Variants in PDE7B observed in about 807,000 individuals in gnomAD.
PDE7B encodes phosphodiesterase 7B, also known as 3',5'-cyclic-AMP phosphodiesterase 7B.
Under a neutral mutation model 56.2 loss-of-function variants are expected in PDE7B, and 29 were observed. The ratio of observed to expected loss-of-function variants is 0.52; its 90% CI spans 0.38 to 0.70. PDE7B has a LOEUF of 0.70. Ranked by LOEUF, PDE7B falls within the 30% of genes least tolerant of loss-of-function variation. The pLI, the probability that PDE7B is intolerant of heterozygous loss-of-function variation, is 0.00. For missense variants in PDE7B, 490 were observed against 565.0 expected (o/e 0.87, Z 1.35); for synonymous variants, 197 against 196.9 (o/e 1.00, Z 0.00).
Position 136,119,139 on chromosome 6 carries a change from G to A in PDE7B, c.166+10325G>A, listed in dbSNP as rs187993658. 7.9e-5 allele frequency among the ~76,000 whole-genome samples: 12 copies of A among 152,282 alleles called. No individual in the cohort carries two copies. In the East Asian group the frequency reaches 2.3e-3, roughly 29 times the overall value. ...CCAGTTGCTTTAATTTTTCTCAAGGGGGAGTTGGTTATTTCCTGTCGTGCA... is the reference window on the plus strand; with the variant it reads ...CCAGTTGCTTTAATTTTTCTCAAGGAGGAGTTGGTTATTTCCTGTCGTGCA... On this transcript the variant is annotated intron_variant, in intron 3 of 12. Transcript: ENST00000308191.
chr6:135,858,907 T>C (rs956552667), intron 1 of PDE7B, among the ~76,000 whole-genome samples: 3 of 152,196 alleles, frequency 2.0e-5, no homozygotes, highest in African/African-American at 7.2e-5. Context: ...TCACATATCA[T>C]AGACTTTTAA....
chr6:136,071,846 A>G (rs1562485929), intron 2 of PDE7B, among the ~76,000 whole-genome samples: 2 of 152,240 alleles, frequency 1.3e-5, no homozygotes, highest in Admixed American at 6.5e-5. Flanking sequence ...AAATGACATG[A>G]TCATATAACA....
At chr6:135,856,286 G>A (rs1220960142) in intron 1 of PDE7B, among the ~76,000 whole-genome samples, 3 of 152,176 alleles carry the variant, frequency 2.0e-5, no homozygotes, top group Admixed American at 6.5e-5. Context: ...CTCTGTGGCT[G>A]TGACACTCCT....
chr6:135,949,214 G>A (rs926844692), intron 2 of PDE7B, among the ~76,000 whole-genome samples: 1 of 152,044 alleles, frequency 6.6e-6, no homozygotes, highest in Admixed American at 6.6e-5. Flanking sequence ...TTTAACTCAT[G>A]ATAATTTTAA....
chr6:136,038,041 T>G, intron 2 of PDE7B: 1 of 1,329,964 alleles, frequency 7.5e-7, no homozygotes, highest in Admixed American at 2.0e-5. Context: ...CCTAGGGAAG[T>G]GAATCGCTCT....
rs1031320994 is a variant in PDE7B at position 136,056,519 on chromosome 6, T to C, written c.83-52212T>C. Among the ~76,000 whole-genome samples, 4 of 104,560 alleles carry C rather than the reference T, an allele frequency of 3.8e-5. No individual in the cohort carries two copies. In the East Asian group the frequency reaches 1.1e-3, roughly 30 times the overall value. The allele number at this position is 104,560 out of a possible 152,430, so 68.6% of individuals were successfully genotyped here. ...TCCTTTGCAGATAGAATCCTTTTTTTTTTTTTTTTTTTTTTTTTTTTTTTT... is the reference window on the plus strand; with the variant it reads ...TCCTTTGCAGATAGAATCCTTTTTTCTTTTTTTTTTTTTTTTTTTTTTTTT... On this transcript the variant is annotated intron_variant, in intron 2 of 12. Coordinates refer to ENST00000308191, the MANE Select transcript of PDE7B (RefSeq NM_018945.4).
chr6:135,874,997 C>T (rs1013846008), intron 1 of PDE7B, among the ~76,000 whole-genome samples: 3 of 151,876 alleles, frequency 2.0e-5, no homozygotes, highest in African/African-American at 7.3e-5. Context: ...AAGTCTATTC[C>T]ATTTATTAAA....
At chr6:135,948,896 TAGAC>T (rs869032694) in intron 2 of PDE7B, among the ~76,000 whole-genome samples, 40 of 63,264 alleles carry the variant, frequency 6.3e-4, no homozygotes, top group African/African-American at 9.8e-4. Flanking sequence ...GATAGATAGA[TAGAC>T]AGACAGACAG....
At chr6:136,124,758 A>G (rs1283442716) in intron 3 of PDE7B, among the ~76,000 whole-genome samples, 1 of 152,236 alleles carries the variant, frequency 6.6e-6, no homozygotes, top group East Asian at 1.9e-4. Context: ...TAAATATTGA[A>G]GGCATTTATT....
chr6:136,110,927 C>T (rs751651215), intron 3 of PDE7B: 4 of 152,244 alleles, frequency 2.6e-5, no homozygotes, highest in Non-Finnish European at 5.9e-5. Flanking sequence ...GGCTCAACCC[C>T]AGCCTCATTT....
intron 4 of PDE7B, among the ~76,000 whole-genome samples, chr6:136,148,475 A>AGGCAGGCAGGCAGGCAGGCAGGCC: frequency 6.8e-6 from 1 of 147,146 alleles, no homozygotes; most frequent in Non-Finnish European, 1.5e-5. Context: ...GAAGGAAGGC[A>AGGCAGGCAGGCAGGCAGGCAGGCC]GGCAGGCAGG....
At chr6:136,145,018 A>AC (rs1232979220) in intron 3 of PDE7B, among the ~76,000 whole-genome samples, 2 of 151,902 alleles carry the variant, frequency 1.3e-5, no homozygotes, top group Non-Finnish European at 2.9e-5. Context: ...TTGGGTAATT[A>AC]CCCCATTGCT....
chr6:135,974,352 A>G (rs1448547161), intron 2 of PDE7B, among the ~76,000 whole-genome samples: 1 of 152,080 alleles, frequency 6.6e-6, no homozygotes, highest in East Asian at 1.9e-4. Context: ...ATGTACATAT[A>G]TAAAATTCAA....
At chr6:135,975,626 G>T (rs1179723805) in intron 2 of PDE7B, among the ~76,000 whole-genome samples, 1 of 148,298 alleles carries the variant, frequency 6.7e-6, no homozygotes, top group African/African-American at 2.6e-5. Context: ...AGGAAGTTGG[G>T]AAAGTAAAGA....
chr6:135,987,691 A>G (rs933768843), intron 2 of PDE7B, among the ~76,000 whole-genome samples: 1 of 152,134 alleles, frequency 6.6e-6, no homozygotes, highest in Admixed American at 6.6e-5. Context: ...TTTCTTCTGA[A>G]GAAGAAAGAA....
At chr6:135,931,561 A>C (rs1349906652) in intron 1 of PDE7B, among the ~76,000 whole-genome samples, 1 of 152,226 alleles carries the variant, frequency 6.6e-6, no homozygotes, top group Admixed American at 6.5e-5. Context: ...TAATATTTTC[A>C]TTTATAATAA....
At chr6:135,859,504 TAGC>T (rs1212321636) in intron 1 of PDE7B, among the ~76,000 whole-genome samples, 1 of 152,152 alleles carries the variant, frequency 6.6e-6, no homozygotes, top group Non-Finnish European at 1.5e-5. Context: ...ATTTGTGTGA[TAGC>T]AGTTTGGAAT....
intron 1 of PDE7B, among the ~76,000 whole-genome samples, chr6:135,854,117 G>A (rs1774983498): frequency 6.6e-6 from 1 of 152,124 alleles, no homozygotes; most frequent in Non-Finnish European, 1.5e-5. Flanking sequence ...TCCTCAAAGT[G>A]GGAATGTACC....
intron 3 of PDE7B, among the ~76,000 whole-genome samples, chr6:136,127,771 A>G (rs954950597): frequency 6.6e-6 from 1 of 152,228 alleles, no homozygotes; most frequent in Non-Finnish European, 1.5e-5. Context: ...TTTTAAAAGC[A>G]GATTCTTGGC....
Sources: allele counts gnomAD v4.1 joint callset (sites outside exome capture counted in the v4.1 genomes callset), GRCh38; gene constraint gnomAD v4.1.1; transcripts MANE v1.5; gene names NCBI Gene and HGNC (gene_info 2026-07-23, HGNC 2026-07-21).